The following PDE7B variants were observed in gnomAD, a reference collection of about 807,000 sequenced individuals.
PDE7B encodes the protein 3',5'-cyclic-AMP phosphodiesterase 7B.
In PDE7B, 29 loss-of-function variants were observed where a neutral mutation model predicts 56.2. That is an observed-to-expected ratio of 0.52 (90% CI 0.38 to 0.70). The LOEUF (loss-of-function observed/expected upper bound fraction) is 0.70, where lower values mean the gene tolerates loss of function less well. Ranked by LOEUF, PDE7B falls within the 30% of genes least tolerant of loss-of-function variation. The probability of loss-of-function intolerance (pLI) is 0.00; values close to 1 mark genes in which losing one functional copy is unlikely to be tolerated. For missense variants in PDE7B, 490 were observed against 565.0 expected (o/e 0.87, Z 1.35); for synonymous variants, 197 against 196.9 (o/e 1.00, Z 0.00).
intron 1 of PDE7B, among the ~76,000 whole-genome samples, chr6:135,939,405 A>G (rs1774471625): frequency 6.6e-6 from 1 of 152,200 alleles, no homozygotes; most frequent in African/African-American, 2.4e-5. Context: ...CTGCACTGAC[A>G]GATTGTTGAA....
chr6:136,067,103 A>G (rs1776953131), intron 2 of PDE7B, among the ~76,000 whole-genome samples: 1 of 152,128 alleles, frequency 6.6e-6, no homozygotes, highest in South Asian at 2.1e-4. Context: ...CTCCCACCTC[A>G]GCTTCCCAAA....
In PDE7B at chr6:136,195,358, G is replaced by T. The variant is rs549428781; in HGVS notation, c.*3518G>T. 1 of 146,726 alleles carries T rather than the reference G, an allele frequency of 6.8e-6. No individual in the cohort carries two copies. Among genetic ancestry groups the T allele is most frequent in the African/African-American group, 2.5e-5 (1 of 39,336 alleles). 9.1% of individuals were successfully genotyped at this position (146,726 alleles called of 1,614,324 possible). A position where few individuals can be genotyped will look rare whatever the true frequency, so the allele number is the denominator to read the frequency against. On this transcript the variant is annotated 3_prime_UTR_variant, in exon 13 of 13. Coordinates refer to ENST00000308191, the MANE Select transcript of PDE7B (RefSeq NM_018945.4). Reference sequence around the variant, plus strand: ...GAATCAGATCTGCTTACTTATTTAGGTTTGGTTATGAGCTTGTATCTCACT... The same window carrying T: ...GAATCAGATCTGCTTACTTATTTAGTTTTGGTTATGAGCTTGTATCTCACT...
intron 1 of PDE7B, among the ~76,000 whole-genome samples, chr6:135,868,920 T>C (rs903076482): frequency 1.3e-5 from 2 of 152,206 alleles, no homozygotes; most frequent in African/African-American, 4.8e-5. Context: ...CTCAGATAAA[T>C]CATCACATGA....
intron 10 of PDE7B, among the ~76,000 whole-genome samples, chr6:136,179,899 C>G (rs1402905040): frequency 1.3e-5 from 2 of 152,200 alleles, no homozygotes; most frequent in Admixed American, 6.5e-5. Context: ...CTGTTTTACT[C>G]CACGGCAAGA....
chr6:136,037,334 A>G, intron 2 of PDE7B: 1 of 757,452 alleles, frequency 1.3e-6, no homozygotes, highest in Non-Finnish European at 1.6e-6. Context: ...TTAACTGTGG[A>G]ATGTGATTCA....
At chr6:136,027,404 G>A (rs965171177) in intron 2 of PDE7B, among the ~76,000 whole-genome samples, 1 of 152,264 alleles carries the variant, frequency 6.6e-6, no homozygotes, top group Non-Finnish European at 1.5e-5. Context: ...TGTTCTTGAA[G>A]TCTGACAATC....
At position 136,154,154 on chromosome 6, in the gene PDE7B, C is replaced by T. The variant is rs775910686; in HGVS notation, c.558C>T (p.His186=). The T allele has an allele frequency of 6.2e-7, 1 of 1,612,944 alleles. No homozygotes were observed. Among genetic ancestry groups the T allele is most frequent in the South Asian group, 1.1e-5 (1 of 91,034 alleles). Residue 186 remains histidine (H), a synonymous_variant, in exon 7 of 13, where the codon CAC becomes CAT. Coordinates refer to ENST00000308191, the MANE Select transcript of PDE7B (RefSeq NM_018945.4). The stretch of plus-strand genomic sequence containing the variant: ...CAGCCGACGTCACCCAGGCCATGCA[C>T]TGCTACCTGAAAGAGCCAAAGGTAA... The part of the protein sequence containing the change: ...VHAADVTQAM[H]CYLKEPKLAS...
intron 2 of PDE7B, among the ~76,000 whole-genome samples, chr6:135,993,738 C>T (rs1775513168): frequency 6.6e-6 from 1 of 152,166 alleles, no homozygotes; most frequent in Non-Finnish European, 1.5e-5. Context: ...GCAGATTGAA[C>T]CTCAAAATTC....
At chr6:136,040,210 C>G (rs902515804) in intron 2 of PDE7B, among the ~76,000 whole-genome samples, 1 of 152,190 alleles carries the variant, frequency 6.6e-6, no homozygotes, top group African/African-American at 2.4e-5. Context: ...AAGCTGCACC[C>G]TGGTCTGCTG....
intron 1 of PDE7B, among the ~76,000 whole-genome samples, chr6:135,864,150 T>A (rs78156727): frequency 0.056 from 8,550 of 152,202 alleles, 595 homozygotes; most frequent in African/African-American, 0.16. Flanking sequence ...GATGCATCTA[T>A]GACCTAATAC....
intron 8 of PDE7B, among the ~76,000 whole-genome samples, chr6:136,170,362 A>T (rs1778859193): frequency 6.6e-6 from 1 of 152,178 alleles, no homozygotes; most frequent in African/African-American, 2.4e-5. Flanking sequence ...TATTAAGCAC[A>T]TTCATAATGT....
At chr6:135,874,119 G>A (rs1050386854) in intron 1 of PDE7B, among the ~76,000 whole-genome samples, 7 of 152,188 alleles carry the variant, frequency 4.6e-5, no homozygotes, top group Non-Finnish European at 8.8e-5. Context: ...GATAACTTCT[G>A]AGACTTGAAG....
chr6:136,058,037 C>G (rs1776769599), intron 2 of PDE7B, among the ~76,000 whole-genome samples: 1 of 152,170 alleles, frequency 6.6e-6, no homozygotes, highest in Non-Finnish European at 1.5e-5. Flanking sequence ...GCGCCCGCCT[C>G]TGCTCACAAT....
rs192676332 is a variant in PDE7B, at chr6:136,104,957, G to A, written c.83-3774G>A. 1.1e-4 allele frequency among the ~76,000 whole-genome samples: 16 copies of A among 152,204 alleles called. No homozygotes were observed. In the East Asian group the frequency reaches 2.7e-3, roughly 26 times the overall value. On this transcript the variant is annotated intron_variant, in intron 2 of 12. Transcript: ENST00000308191. ...TTTGTTGTTATTGCCGATTTGTTTG[G>A]GTTTGTTTGCTTGTTTAGGTATCTT...
intron 2 of PDE7B, among the ~76,000 whole-genome samples, chr6:136,088,274 C>G (rs890052138): frequency 6.6e-6 from 1 of 152,012 alleles, no homozygotes; most frequent in African/African-American, 2.4e-5. Flanking sequence ...ATACCGGGGG[C>G]GGGCAGAGAA....
intron 2 of PDE7B, among the ~76,000 whole-genome samples, chr6:136,012,920 C>T (rs1040720644): frequency 1.3e-5 from 2 of 152,080 alleles, no homozygotes; most frequent in South Asian, 2.1e-4. Context: ...CTGTGGAGAG[C>T]AGAATTAGCC....
chr6:135,859,314 A>G (rs1393096396), intron 1 of PDE7B, among the ~76,000 whole-genome samples: 3 of 151,954 alleles, frequency 2.0e-5, no homozygotes, highest in African/African-American at 4.8e-5. Context: ...TGCTTTTCCA[A>G]TTAAATAAAA....
At chr6:136,123,988 T>C (rs1777980246) in intron 3 of PDE7B, among the ~76,000 whole-genome samples, 1 of 152,220 alleles carries the variant, frequency 6.6e-6, no homozygotes, top group South Asian at 2.1e-4. Flanking sequence ...CATGTCACCA[T>C]AGTCTTATGA....
intron 3 of PDE7B, among the ~76,000 whole-genome samples, chr6:136,134,370 A>C (rs951960661): frequency 8.5e-5 from 13 of 152,104 alleles, no homozygotes; most frequent in Non-Finnish European, 1.9e-4. Flanking sequence ...ACCTCTGGAG[A>C]CTTAGAATCA....
Sources: gnomAD v4.1 joint callset for allele counts (sites outside exome capture counted in the v4.1 genomes callset) on GRCh38, gnomAD v4.1.1 for gene constraint, MANE v1.5 for transcripts, NCBI Gene and HGNC (gene_info 2026-07-23, HGNC 2026-07-21) for gene names.